Variants in IFT140 observed in about 807,000 individuals in gnomAD.
The protein encoded by IFT140 is intraflagellar transport protein 140 homolog.
Under a neutral mutation model 164.6 loss-of-function variants are expected in IFT140, and 133 were observed. The ratio of observed to expected loss-of-function variants is 0.81; its 90% CI spans 0.70 to 0.93. The LOEUF (loss-of-function observed/expected upper bound fraction) is 0.93. Ranked by LOEUF, IFT140 falls within the 40% of genes least tolerant of loss-of-function variation. The probability of loss-of-function intolerance (pLI) is 0.00; values close to 1 mark genes in which losing one functional copy is unlikely to be tolerated. For missense variants in IFT140, 2,045 were observed against 1,972.3 expected (o/e 1.04, Z -0.70); for synonymous variants, 860 against 817.3 (o/e 1.05, Z -0.89).
chr16:1,555,201 A>G (rs1171444266), intron 19 of IFT140: 32 of 821,518 alleles, frequency 3.9e-5, no homozygotes, highest in Non-Finnish European at 5.9e-5. Context: ...TGTCGGTCAT[A>G]TGTCTGTACG....
chr16:1,568,076 G>C (rs574274314), intron 15 of IFT140, 141 bp downstream of exon 15: 1 of 646,772 alleles, frequency 1.5e-6, no homozygotes, highest in Admixed American at 2.4e-5. Context: ...GGGGAGACGA[G>C]GGGAAGGAGA....
At chr16:1,541,086 A>C (rs895987522) in intron 19 of IFT140, 1 of 985,274 alleles carries the variant, frequency 1.0e-6, no homozygotes, top group African/African-American at 1.7e-5. Context: ...CTCCCTCTGA[A>C]GTTCACTCAC....
In IFT140 at chr16:1,510,970, C is replaced by A; in HGVS notation, c.4363G>T (p.Val1455Leu). The A allele has an allele frequency of 6.2e-7, 1 of 1,612,346 alleles. No individual in the cohort carries two copies. Among genetic ancestry groups the A allele is most frequent in the Non-Finnish European group, 8.5e-7 (1 of 1,179,486 alleles). The change falls in exon 31 of 31, where the codon GTG becomes TTG. Residue 1455 changes from valine to leucine, a missense_variant. Physicochemically the swap from Val to Leu is conservative, Grantham distance 32 (BLOSUM62 1). Transcript: ENST00000426508. ...CAGGGGTCGTCATCTGCCTCTTCCA[C>A]CACCTCCTCGTCCAGCTCCCTGGCG... ...EDARELDEEVVEEADDDP is the reference protein window; with the variant it reads ...EDARELDEEVLEEADDDP
At position 1,586,129 on chromosome 16, in the gene IFT140, C is replaced by T. The variant is rs780965515; in HGVS notation, c.1155+1G>A. ...GCACCGAACACCCTTGGAGGCTGTA[C>T]CTGGATTTGCGTGATGTTTCCTTGG... On this transcript the variant is annotated splice_donor_variant, in intron 10 of 30. Transcript: ENST00000426508. LOFTEE classifies it high-confidence loss of function. The T allele has an allele frequency of 2.5e-6, 4 of 1,612,254 alleles. No homozygotes were observed. The South Asian group carries it at 4.4e-5, about 18-fold the overall frequency.
At chr16:1,602,721 C>T in intron 3 of IFT140, 130 bp from the exon 4 acceptor site, 1 of 805,690 alleles carries the variant, frequency 1.2e-6, no homozygotes, top group South Asian at 1.6e-5. Context: ...GTGGGTGGAT[C>T]ACAAAGTCAG....
intron 5 of IFT140, 42 bp from the exon 6 acceptor site, chr16:1,592,360 C>T: frequency 6.2e-7 from 1 of 1,613,352 alleles, no homozygotes; most frequent in Non-Finnish European, 8.5e-7. Flanking sequence ...TTCTGCCACT[C>T]CTACAGCACC....
intron 19 of IFT140, among the ~76,000 whole-genome samples, chr16:1,540,152 C>T (rs1364099396): frequency 6.6e-6 from 1 of 152,228 alleles, no homozygotes; most frequent in Admixed American, 6.5e-5. Flanking sequence ...CCACACACCA[C>T]CTCAGCCTGG....
At position 1,533,969 on chromosome 16, in the gene IFT140, G is replaced by A. The variant is rs1211174650; in HGVS notation, c.2400-7173C>T. ...GCACGCGCGGCACAGGCCGGCCTCC[G>A]CTTCCCGGGAAGACGGCGCACTCCT... On this transcript the variant is annotated intron_variant, in intron 19 of 30. Coordinates refer to ENST00000426508, the MANE Select transcript of IFT140 (RefSeq NM_014714.4). This position sits in a 1 kb window ranked among gnomAD's most constrained non-coding sequence, Gnocchi z 4.7. 9 of 434,686 alleles carry A rather than the reference G, an allele frequency of 2.1e-5. No individual in the cohort carries two copies. The highest frequency in any genetic ancestry group is 9.1e-5 in the South Asian group (3 of 32,788). 26.9% of individuals were successfully genotyped at this position (434,686 alleles called of 1,614,324 possible).
intron 18 of IFT140, among the ~76,000 whole-genome samples, chr16:1,561,219 G>A (rs2033389715): frequency 6.6e-6 from 1 of 152,228 alleles, no homozygotes; most frequent in Admixed American, 6.5e-5. Context: ...GAATGCTCGT[G>A]GGGCACACAT....
intron 17 of IFT140, among the ~76,000 whole-genome samples, chr16:1,563,708 G>A (rs1019100953): frequency 2.0e-5 from 3 of 152,144 alleles, no homozygotes; most frequent in Admixed American, 1.3e-4. Flanking sequence ...GGAGCTGTGA[G>A]GCAGATGCTC....
intron 12 of IFT140, among the ~76,000 whole-genome samples, chr16:1,582,887 T>C (rs2034650440): frequency 6.6e-6 from 1 of 152,162 alleles, no homozygotes; most frequent in Non-Finnish European, 1.5e-5. Context: ...TGGGCAACAA[T>C]GGCAAAACTA....
intron 26 of IFT140, among the ~76,000 whole-genome samples, chr16:1,521,534 G>A (rs930316207): frequency 9.9e-5 from 15 of 151,798 alleles, no homozygotes; most frequent in Non-Finnish European, 1.6e-4. Flanking sequence ...GATTACAGGC[G>A]CCCGCCACCA....
chr16:1,524,430 G>A, intron 24 of IFT140, 122 bp downstream of exon 24: 8 of 1,324,840 alleles, frequency 6.0e-6, no homozygotes, highest in Non-Finnish European at 8.2e-6. Flanking sequence ...GGTGAGCAGT[G>A]AGTGGCAGAC....
At chr16:1,532,394 G>C (rs551816964) in intron 19 of IFT140, 2 of 152,442 alleles carry the variant, frequency 1.3e-5, no homozygotes, top group African/African-American at 2.4e-5. Context: ...CACGCACCAC[G>C]GGCTGGTGAG....
chr16:1,534,088 A>G, intron 19 of IFT140: 1 of 663,480 alleles, frequency 1.5e-6, no homozygotes, highest in Non-Finnish European at 2.4e-6. Flanking sequence ...CTCCAGGTGC[A>G]GGAAGGAGGA....
At chr16:1,578,167 C>T (rs1343746155) in intron 13 of IFT140, 1 of 152,120 alleles carries the variant, frequency 6.6e-6, no homozygotes, top group Non-Finnish European at 1.5e-5. Flanking sequence ...CTGATTCAGA[C>T]AGAAGTCCTA....
At chr16:1,575,381 A>T (rs2034223471) in intron 13 of IFT140, among the ~76,000 whole-genome samples, 1 of 151,674 alleles carries the variant, frequency 6.6e-6, no homozygotes, top group Non-Finnish European at 1.5e-5. Flanking sequence ...TCTGTAAAAA[A>T]ATAAATAAAA....
chr16:1,581,638 A>G (rs1342456310), intron 12 of IFT140, among the ~76,000 whole-genome samples: 3 of 150,528 alleles, frequency 2.0e-5, no homozygotes, highest in African/African-American at 7.4e-5. Flanking sequence ...TACACAAAAC[A>G]AAAAATATCC....
chr16:1,539,230 C>G (rs559921787), intron 19 of IFT140, among the ~76,000 whole-genome samples: 1 of 150,752 alleles, frequency 6.6e-6, no homozygotes, highest in African/African-American at 2.4e-5. Context: ...ACCCAAGCCT[C>G]AGGACTCACC....
Sources: gnomAD v4.1 joint callset for allele counts (sites outside exome capture counted in the v4.1 genomes callset) on GRCh38, gnomAD v4.1.1 for gene constraint, Gnocchi (gnomAD v3.1) non-coding constraint, MANE v1.5 for transcripts, NCBI Gene and HGNC (gene_info 2026-07-23, HGNC 2026-07-21) for gene names.